Variants in TAFA1 observed in about 807,000 individuals in gnomAD.
TAFA1 encodes chemokine-like protein TAFA-1.
TAFA1 carries 4 observed loss-of-function variants against 18.5 expected under a neutral mutation model. The ratio of observed to expected loss-of-function variants is 0.22; its 90% CI spans 0.11 to 0.49. TAFA1 has a LOEUF of 0.49. Ranked by LOEUF, TAFA1 falls within the 20% of genes least tolerant of loss-of-function variation. The pLI, the probability that TAFA1 is intolerant of heterozygous loss-of-function variation, is 0.98. For missense variants in TAFA1, 147 were observed against 169.0 expected (o/e 0.87, Z 0.72); for synonymous variants, 56 against 55.2 (o/e 1.01, Z -0.06).
At chr3:67,992,334 G>A in the TAFA1 span, among the ~76,000 whole-genome samples, 1 of 152,338 alleles carries the variant, frequency 6.6e-6, no homozygotes, top group South Asian at 2.1e-4. Flanking sequence ...TTTGGAGGAT[G>A]AGTGACAATA....
chr3:68,242,359 T>G (rs17047403), intron 2 of TAFA1, among the ~76,000 whole-genome samples: 11,650 of 152,226 alleles, frequency 0.077, 567 homozygotes, highest in African/African-American at 0.13. Flanking sequence ...TTCGTAGACT[T>G]TTCTTTGCAC....
chr3:68,495,494 C>G (rs1342895631), intron 3 of TAFA1, among the ~76,000 whole-genome samples: 2 of 152,058 alleles, frequency 1.3e-5, no homozygotes, highest in African/African-American at 4.8e-5. Context: ...CTGCTTGGGA[C>G]CTCAATATAT....
intron 3 of TAFA1, among the ~76,000 whole-genome samples, chr3:68,435,047 G>A (rs1031597708): frequency 1.2e-4 from 19 of 152,142 alleles, no homozygotes; most frequent in African/African-American, 4.6e-4. Context: ...GTTGTGTGAT[G>A]TGTGCTCTGA....
chr3:68,380,717 G>C (rs1328732719), intron 2 of TAFA1, among the ~76,000 whole-genome samples: 1 of 151,952 alleles, frequency 6.6e-6, no homozygotes, highest in Non-Finnish European at 1.5e-5. Flanking sequence ...CATTTTGTAG[G>C]TTGCCTGTTC....
chr3:68,199,389 C>G (rs115726361), intron 2 of TAFA1, among the ~76,000 whole-genome samples: 2 of 151,538 alleles, frequency 1.3e-5, no homozygotes, highest in Non-Finnish European at 3.0e-5. Context: ...TTGTCAATAT[C>G]TACAAAATAA....
intron 2 of TAFA1, among the ~76,000 whole-genome samples, chr3:68,135,518 A>G (rs960128769): frequency 6.6e-6 from 1 of 152,202 alleles, no homozygotes; most frequent in Non-Finnish European, 1.5e-5. Context: ...CTCTAGCACA[A>G]TAGAATTAAC....
chr3:68,271,355 C>T (rs141623362), intron 2 of TAFA1, among the ~76,000 whole-genome samples: 148 of 152,212 alleles, frequency 9.7e-4, no homozygotes, highest in Middle Eastern at 6.8e-3. Flanking sequence ...ACTCACACTC[C>T]ATAACCAATC....
rs544611279 is a variant in TAFA1, at chr3:68,208,268, A to C, written c.118+201524A>C. Among the ~76,000 whole-genome samples, 19 of 152,038 alleles carry C rather than the reference A, an allele frequency of 1.2e-4. 1 individual carries two copies. The highest frequency in any genetic ancestry group is 3.6e-4 in the African/African-American group (15 of 41,510). ...CATCAGCAGAGTCCATTGTGCGTTT[A>C]TAGCCTTAGAGCTCGTCGTGTTGAT... is the stretch of plus-strand genomic sequence containing the variant. On this transcript the variant is annotated intron_variant, in intron 2 of 4. Transcript: ENST00000478136.
intron 2 of TAFA1, among the ~76,000 whole-genome samples, chr3:68,117,614 T>C (rs542815969): frequency 5.3e-5 from 8 of 152,192 alleles, no homozygotes; most frequent in Non-Finnish European, 1.0e-4. Flanking sequence ...TTTCACAGTC[T>C]CTTCTTTAGT....
intron 3 of TAFA1, among the ~76,000 whole-genome samples, chr3:68,513,882 A>G (rs536948447): frequency 1.3e-5 from 2 of 152,268 alleles, no homozygotes; most frequent in East Asian, 3.9e-4. Flanking sequence ...CTTTCTGTTT[A>G]GGAATTGTCT....
chr3:68,404,816 A>T (rs1410364163), intron 2 of TAFA1, among the ~76,000 whole-genome samples: 1 of 151,984 alleles, frequency 6.6e-6, no homozygotes, highest in Non-Finnish European at 1.5e-5. Flanking sequence ...AAAAAAAAAA[A>T]AGGATGGCTG....
rs563488370 is a variant in TAFA1, at chr3:68,176,294, C to T, written c.118+169550C>T. On this transcript the variant is annotated intron_variant, in intron 2 of 4. Coordinates refer to ENST00000478136, the MANE Select transcript of TAFA1 (RefSeq NM_213609.4). ...GCCAGGAGTTTGAGACAAGCCTGGG[C>T]AACATATTGAGACCCTGTTTCTACA... Among the ~76,000 whole-genome samples the T allele has an allele frequency of 5.7e-4, 87 of 152,212 alleles. 1 individual carries two copies. Among genetic ancestry groups the T allele is most frequent in the African/African-American group, 1.9e-3 (79 of 41,544 alleles).
At chr3:68,176,457 G>A (rs774872706) in intron 2 of TAFA1, among the ~76,000 whole-genome samples, 1 of 152,158 alleles carries the variant, frequency 6.6e-6, no homozygotes. Context: ...ACTCCAGCCT[G>A]GGTGACAGAG....
chr3:68,323,110 A>G (rs539263746), intron 2 of TAFA1, among the ~76,000 whole-genome samples: 1 of 152,312 alleles, frequency 6.6e-6, no homozygotes, highest in African/African-American at 2.4e-5. Context: ...TAAATCTTAC[A>G]TAAAATGCTA....
chr3:68,484,997 A>C (rs1391783353), intron 3 of TAFA1, among the ~76,000 whole-genome samples: 2 of 152,214 alleles, frequency 1.3e-5, no homozygotes, highest in African/African-American at 4.8e-5. Context: ...GATTACCTTC[A>C]TGGCAACACA....
At chr3:68,258,931 T>C (rs1385461027) in intron 2 of TAFA1, among the ~76,000 whole-genome samples, 3 of 152,184 alleles carry the variant, frequency 2.0e-5, no homozygotes, top group Non-Finnish European at 4.4e-5. Flanking sequence ...AAATATCAGG[T>C]TCTGCTGGAT....
intron 2 of TAFA1, among the ~76,000 whole-genome samples, chr3:68,293,664 G>C (rs1221838435): frequency 6.6e-6 from 1 of 152,204 alleles, no homozygotes; most frequent in Admixed American, 6.5e-5. Context: ...ACATGTGCTT[G>C]ATCAATGCGA....
At chr3:68,178,354 G>A (rs902461966) in intron 2 of TAFA1, among the ~76,000 whole-genome samples, 1 of 152,066 alleles carries the variant, frequency 6.6e-6, no homozygotes, top group Admixed American at 6.6e-5. Context: ...GAGCAGGGTT[G>A]GCATAATCCC....
chr3:68,090,008 A>G (rs2065013432), intron 2 of TAFA1, among the ~76,000 whole-genome samples: 1 of 152,120 alleles, frequency 6.6e-6, no homozygotes, highest in Non-Finnish European at 1.5e-5. Flanking sequence ...AATGACCAAG[A>G]CTTTGCAGTT....
Sources: allele counts gnomAD v4.1 joint callset (sites outside exome capture counted in the v4.1 genomes callset), GRCh38; gene constraint gnomAD v4.1.1; transcripts MANE v1.5; gene names NCBI Gene and HGNC (gene_info 2026-07-23, HGNC 2026-07-21).